The following CFAP43 variants were observed in gnomAD, a reference collection of about 807,000 sequenced individuals.
CFAP43 encodes cilia- and flagella-associated protein 43.
In CFAP43, 155 loss-of-function variants were observed where a neutral mutation model predicts 218.9. That is an observed-to-expected ratio of 0.71 (90% CI 0.62 to 0.81). The LOEUF is 0.81. Ranked by LOEUF, CFAP43 falls within the 30% of genes least tolerant of loss-of-function variation. The pLI is 0.00. For synonymous variants in CFAP43, 645 were observed against 681.3 expected (o/e 0.95, Z 0.83); for missense variants, 1,778 against 1,954.3 (o/e 0.91, Z 1.70).
At chr10:104,203,223 G>A (rs74154752) in intron 8 of CFAP43, among the ~76,000 whole-genome samples, 1,887 of 152,236 alleles carry the variant, frequency 0.012, 26 homozygotes, top group African/African-American at 0.038. Flanking sequence ...TGATTGACCC[G>A]GGGTAGACAC....
At chr10:104,159,288 GT>G (rs2088748457) in intron 27 of CFAP43, among the ~76,000 whole-genome samples, 1 of 152,100 alleles carries the variant, frequency 6.6e-6, no homozygotes, top group Non-Finnish European at 1.5e-5. Flanking sequence ...AAGGAGTTGG[GT>G]TTTTTCCTTT....
intron 7 of CFAP43, 88 bp from the exon 8 acceptor site, chr10:104,203,891 T>C (rs2090605509): frequency 1.7e-6 from 2 of 1,177,534 alleles, no homozygotes; most frequent in African/African-American, 3.1e-5. Flanking sequence ...GCTTATTGAT[T>C]ACTTCTACTG....
At chr10:104,138,371 A>G (rs2087544962) in intron 34 of CFAP43, among the ~76,000 whole-genome samples, 2 of 152,216 alleles carry the variant, frequency 1.3e-5, no homozygotes, top group Admixed American at 1.3e-4. Context: ...AACTGTCACT[A>G]TCTAGAAAGA....
At chr10:104,133,137 T>C (rs2087274753) in intron 35 of CFAP43, among the ~76,000 whole-genome samples, 1 of 152,162 alleles carries the variant, frequency 6.6e-6, no homozygotes, top group Admixed American at 6.5e-5. Context: ...GATTAGTTTG[T>C]AGGAGTGATC....
At chr10:104,134,080 T>C (rs1324376428) in intron 34 of CFAP43, among the ~76,000 whole-genome samples, 1 of 152,190 alleles carries the variant, frequency 6.6e-6, no homozygotes, top group Non-Finnish European at 1.5e-5. Context: ...CCAACCTGTA[T>C]GCATTTGTAT....
intron 2 of CFAP43, among the ~76,000 whole-genome samples, chr10:104,225,985 G>A (rs2091295694): frequency 6.6e-6 from 1 of 152,168 alleles, no homozygotes; most frequent in Non-Finnish European, 1.5e-5. Context: ...GCCATATCTG[G>A]CCCTTAGCTT....
chr10:104,161,217 C>T, intron 26 of CFAP43, 55 bp from the exon 27 acceptor site: 2 of 1,555,568 alleles, frequency 1.3e-6, no homozygotes, highest in Admixed American at 2.0e-5. Flanking sequence ...TGCAGTAGTA[C>T]AGTAAAAGCT....
intron 13 of CFAP43, 102 bp from the exon 14 acceptor site, chr10:104,187,594 C>T (rs2090073473): frequency 1.2e-5 from 12 of 1,028,112 alleles, no homozygotes; most frequent in Non-Finnish European, 1.3e-5. Context: ...AATTTAAATG[C>T]TCAACTAATA....
chr10:104,195,814 G>A (rs1390967003), intron 10 of CFAP43, among the ~76,000 whole-genome samples: 1 of 152,188 alleles, frequency 6.6e-6, no homozygotes, highest in Admixed American at 6.5e-5. Flanking sequence ...GGGCAGTGTG[G>A]TTTGCAACTC....
chr10:104,184,466 T>G (rs911518850), intron 16 of CFAP43, among the ~76,000 whole-genome samples: 7 of 151,792 alleles, frequency 4.6e-5, no homozygotes, highest in Non-Finnish European at 8.8e-5. Context: ...CTATGTCTTT[T>G]TTTTTTTTTT....
At chr10:104,219,232 T>C (rs2091109679) in intron 3 of CFAP43, among the ~76,000 whole-genome samples, 1 of 151,906 alleles carries the variant, frequency 6.6e-6, no homozygotes, top group African/African-American at 2.4e-5. Context: ...CCCATCCCTC[T>C]TCCTCAGCAC....
chr10:104,187,413 A>G lies in CFAP43; in HGVS notation c.1767T>C (p.Ala589=), dbSNP rs930922581. 2 of 1,610,766 alleles carry G rather than the reference A, an allele frequency of 1.2e-6. No individual in the cohort carries two copies. Among genetic ancestry groups the G allele is most frequent in the African/African-American group, 2.7e-5 (2 of 74,710 alleles). ...GAAAGCCCAAGACTGCAGAGGACAG[A>G]GCGTGCTCCAACTCATACAGGTACT... ...IHKYLYELEH[A]LSSAVLGFQS... is the part of the protein sequence containing the mutation. The change falls in exon 14 of 38, where the codon GCT becomes GCC. Residue 589 remains alanine (A), a synonymous_variant. Transcript: ENST00000357060.
intron 27 of CFAP43, among the ~76,000 whole-genome samples, chr10:104,157,484 C>T (rs982674517): frequency 1.1e-4 from 16 of 151,994 alleles, no homozygotes; most frequent in Non-Finnish European, 2.2e-4. Flanking sequence ...AGGGGCTCAG[C>T]GTCTAGCCCA....
At chr10:104,167,150 A>G (rs78319562) in intron 22 of CFAP43, among the ~76,000 whole-genome samples, 1,795 of 152,324 alleles carry the variant, frequency 0.012, 15 homozygotes, top group Non-Finnish European at 0.017. Context: ...CAAAGTTCTG[A>G]CCAAAACAAA....
chr10:104,228,856 T>G (rs2091373034), intron 2 of CFAP43, among the ~76,000 whole-genome samples: 1 of 152,198 alleles, frequency 6.6e-6, no homozygotes, highest in Non-Finnish European at 1.5e-5. Flanking sequence ...ATAGCTATAT[T>G]TTTTTCAGTT....
chr10:104,193,012 G>A (rs546637656), intron 11 of CFAP43: 8 of 152,198 alleles, frequency 5.3e-5, no homozygotes, highest in African/African-American at 1.9e-4. Flanking sequence ...GTGTTTTGAG[G>A]ATCACATGCC....
rs769768621 is a variant in CFAP43 at position 104,142,371 on chromosome 10, A to G, written c.4181T>C (p.Leu1394Ser). ...CTGGAGGAAAGTTGCCATTTCCAAT[A>G]AGTCAGCTGCTTTCTGCTTTACCTA... ...EQKVKQKAADLLEMATFLQKR... is the reference protein window; with the variant it reads ...EQKVKQKAADSLEMATFLQKR... The change falls in exon 33 of 38, where the codon TTA (leucine) becomes TCA (serine). Residue 1394 changes from leucine (L) to serine (S), a missense_variant. Leu to Ser is a moderately radical substitution (Grantham distance 145). This residue lies in a region of CFAP43 where 1,553 missense variants were observed against 1,685.2 expected (regional missense o/e 0.92). Transcript: ENST00000357060. The G allele has an allele frequency of 2.5e-6, 4 of 1,613,220 alleles. No individual in the cohort carries two copies. The highest frequency in any genetic ancestry group is 2.5e-6 in the Non-Finnish European group (3 of 1,179,598).
At chr10:104,221,259 G>A (rs937294498) in intron 3 of CFAP43, among the ~76,000 whole-genome samples, 3 of 152,186 alleles carry the variant, frequency 2.0e-5, no homozygotes, top group African/African-American at 7.2e-5. Context: ...ACAGGCGTGA[G>A]CCACCATGCC....
rs372935994 is a variant in CFAP43, at chr10:104,139,419, CT to C, written c.4431+1422del. On this transcript the variant is annotated intron_variant, in intron 34 of 37. Coordinates refer to ENST00000357060, the MANE Select transcript of CFAP43 (RefSeq NM_025145.7). ...CACGCACACATGTGCATACCGCCCC[CT>C]ATCCCCACCTAGACACATTGTGTTC... Among the ~76,000 whole-genome samples the C allele has an allele frequency of 4.5e-3, 688 of 152,296 alleles. 6 individuals carry two copies. Among genetic ancestry groups the C allele is most frequent in the South Asian group, 0.034 (162 of 4,830 alleles).
Sources: gnomAD v4.1 joint callset for allele counts (sites outside exome capture counted in the v4.1 genomes callset) on GRCh38, gnomAD v4.1.1 for gene constraint, gnomAD v4.1.1 regional missense constraint, MANE v1.5 for transcripts, NCBI Gene and HGNC (gene_info 2026-07-23, HGNC 2026-07-21) for gene names.